STX8: variants seen among roughly 807,000 people sequenced by gnomAD.
The protein encoded by STX8 is syntaxin-8.
A neutral mutation model predicts 37.5 loss-of-function variants in STX8; 23 were observed. The ratio of observed to expected loss-of-function variants is 0.61; its 90% CI spans 0.44 to 0.87. STX8 has a LOEUF of 0.87. Ranked by LOEUF, STX8 falls within the 40% of genes least tolerant of loss-of-function variation. The probability of loss-of-function intolerance (pLI) is 0.00; values close to 1 mark genes in which losing one functional copy is unlikely to be tolerated. For synonymous variants in STX8, 115 were observed against 99.1 expected (o/e 1.16, Z -0.95); for missense variants, 313 against 284.7 (o/e 1.10, Z -0.71).
intron 6 of STX8, among the ~76,000 whole-genome samples, chr17:9,410,989 C>T (rs113601690): frequency 1.4e-4 from 21 of 152,320 alleles, no homozygotes; most frequent in African/African-American, 4.8e-4. Flanking sequence ...AATTTGAACA[C>T]TTAGGAAGTA....
intron 7 of STX8, chr17:9,305,637 G>A (rs1567776859): frequency 6.6e-6 from 1 of 151,308 alleles, no homozygotes; most frequent in Non-Finnish European, 1.5e-5. Flanking sequence ...CTTGTATGGT[G>A]ATGTATGCGT....
At chr17:9,271,122 T>C (rs764223429) in intron 7 of STX8, among the ~76,000 whole-genome samples, 4 of 152,216 alleles carry the variant, frequency 2.6e-5, no homozygotes, top group Non-Finnish European at 5.9e-5. Flanking sequence ...CAGTGTGACG[T>C]GGGACCAGGA....
intron 4 of STX8, among the ~76,000 whole-genome samples, chr17:9,520,232 T>A (rs1344417594): frequency 6.6e-6 from 1 of 152,206 alleles, no homozygotes. Flanking sequence ...AAATGTTTTT[T>A]AAAAATCAAG....
At position 9,561,387 on chromosome 17, in the gene STX8, G is replaced by A. The variant is rs183134785; in HGVS notation, c.118-3859C>T. Among the ~76,000 whole-genome samples, 595 of 152,150 alleles carry A rather than the reference G, an allele frequency of 3.9e-3. 4 individuals are homozygous for A. The highest frequency in any genetic ancestry group is 3.9e-3 in the Non-Finnish European group (263 of 67,984). ...GAAATTAAGAAACAAGGCTGAGCAC[G>A]GTGGGTCACGCTTGTAATCCCAGCA... On this transcript the variant is annotated intron_variant, in intron 2 of 7. Transcript: ENST00000306357.
chr17:9,332,523 G>A (rs1320728662), intron 7 of STX8, among the ~76,000 whole-genome samples: 1 of 152,188 alleles, frequency 6.6e-6, no homozygotes, highest in Non-Finnish European at 1.5e-5. Flanking sequence ...AGGTTCCAAG[G>A]AACTGGAGAC....
intron 4 of STX8, among the ~76,000 whole-genome samples, chr17:9,518,547 T>C (rs1324810456): frequency 1.3e-5 from 2 of 152,176 alleles, no homozygotes; most frequent in Non-Finnish European, 2.9e-5. Context: ...GGCAAGTCTA[T>C]CTGTGCTAGG....
chr17:9,313,218 G>A (rs1363367785), intron 7 of STX8, among the ~76,000 whole-genome samples: 1 of 152,042 alleles, frequency 6.6e-6, no homozygotes, highest in Non-Finnish European at 1.5e-5. Flanking sequence ...AAAAATAAGA[G>A]GTCACTGTGA....
intron 7 of STX8, among the ~76,000 whole-genome samples, chr17:9,355,692 T>A (rs934631385): frequency 1.3e-5 from 2 of 151,878 alleles, no homozygotes; most frequent in Admixed American, 6.6e-5. Context: ...GTATTTTTAG[T>A]AGAGATGGGA....
chr17:9,438,577 C>T (rs559502808), intron 6 of STX8, among the ~76,000 whole-genome samples: 1 of 152,098 alleles, frequency 6.6e-6, no homozygotes, highest in African/African-American at 2.4e-5. Flanking sequence ...GTAGGCCATA[C>T]GTCTCTGTTG....
intron 6 of STX8, among the ~76,000 whole-genome samples, chr17:9,458,777 G>A (rs964438056): frequency 2.6e-5 from 4 of 152,042 alleles, no homozygotes; most frequent in African/African-American, 9.7e-5. Flanking sequence ...GAATTATATA[G>A]GCGTATCGGC....
intron 3 of STX8, chr17:9,553,504 G>C (rs898692022): frequency 3.1e-4 from 47 of 152,120 alleles, no homozygotes; most frequent in African/African-American, 1.1e-3. Context: ...AATTTATTAA[G>C]TATCATAAAT....
At chr17:9,443,448 C>T (rs779971969) in intron 6 of STX8, among the ~76,000 whole-genome samples, 3 of 152,168 alleles carry the variant, frequency 2.0e-5, no homozygotes, top group Admixed American at 6.5e-5. Flanking sequence ...CAGTCTGTTG[C>T]GAGTTCATGT....
At position 9,491,909 on chromosome 17, in the gene STX8, C is replaced by T. The variant is rs539891017; in HGVS notation, c.461G>A (p.Gly154Asp). 100 of 1,612,176 alleles carry T rather than the reference C, an allele frequency of 6.2e-5. 1 individual carries two copies. In the South Asian group the frequency reaches 8.3e-4, roughly 13 times the overall value. Residue 154 changes from glycine (G) to aspartate (D), a missense_variant, in exon 6 of 8, where the codon GGC becomes GAC. Physicochemically the swap from Gly to Asp is moderately conservative, Grantham distance 94. Transcript: ENST00000306357. Reference sequence around the variant, plus strand: ...TATGATAGAGGAAAGGGCATCAAGGCCTGCGTCCTGTTCTGAAAGAAAAAA... The same window carrying T: ...TATGATAGAGGAAAGGGCATCAAGGTCTGCGTCCTGTTCTGAAAGAAAAAA... ...QQKIIQEQDAGLDALSSIISR... is the reference protein window; with the variant it reads ...QQKIIQEQDADLDALSSIISR...
intron 4 of STX8, among the ~76,000 whole-genome samples, chr17:9,535,424 CTTT>C (rs35962202): frequency 1.6e-3 from 81 of 51,550 alleles, no homozygotes; most frequent in Non-Finnish European, 2.0e-3. Flanking sequence ...AGCCATCCTA[CTTT>C]TTTTTTTTTT....
intron 7 of STX8, among the ~76,000 whole-genome samples, chr17:9,291,401 A>G (rs1199609363): frequency 6.0e-5 from 9 of 149,910 alleles, no homozygotes; most frequent in Non-Finnish European, 1.2e-4. Flanking sequence ...TGATCACGCC[A>G]CTGCACTCCA....
intron 6 of STX8, among the ~76,000 whole-genome samples, chr17:9,414,129 A>ACATACCCATCTGT (rs1913093069): frequency 4.4e-5 from 3 of 67,680 alleles, no homozygotes; most frequent in African/African-American, 4.4e-5. Flanking sequence ...CATCCATCCA[A>ACATACCCATCTGT]CCATCCATCC....
intron 5 of STX8, among the ~76,000 whole-genome samples, chr17:9,502,899 T>C (rs1358864200): frequency 2.6e-5 from 4 of 151,796 alleles, no homozygotes; most frequent in Non-Finnish European, 5.9e-5. Context: ...GGTCAGGAGT[T>C]CGAGACCAGC....
Position 9,285,409 on chromosome 17 carries a change from G to C in STX8, c.644-34764C>G, listed in dbSNP as rs532913582. 5.7e-5 allele frequency among the ~76,000 whole-genome samples: 8 copies of C among 139,962 alleles called. No individual in the cohort carries two copies. In the South Asian group the frequency reaches 1.4e-3, roughly 24 times the overall value. 91.8% of individuals were successfully genotyped at this position (139,962 alleles called of 152,430 possible). A position where few individuals can be genotyped will look rare whatever the true frequency, so the allele number is the denominator to read the frequency against. On this transcript the variant is annotated intron_variant, in intron 7 of 7. Coordinates refer to ENST00000306357, the MANE Select transcript of STX8 (RefSeq NM_004853.3). The stretch of plus-strand genomic sequence containing the variant: ...GAAACCAGTGTAGAGGTCCAAAGTA[G>C]TGATAAAAAAAAAAAAAAAAAAGGA...
intron 7 of STX8, among the ~76,000 whole-genome samples, chr17:9,345,915 G>A (rs149731298): frequency 1.1e-3 from 150 of 131,186 alleles, no homozygotes; most frequent in Middle Eastern, 5.4e-3. Context: ...GCAGTGGCAC[G>A]GTCTCAGCTC....
Sources: gnomAD v4.1 joint callset for allele counts (sites outside exome capture counted in the v4.1 genomes callset) on GRCh38, gnomAD v4.1.1 for gene constraint, MANE v1.5 for transcripts, NCBI Gene and HGNC (gene_info 2026-07-23, HGNC 2026-07-21) for gene names.